The following LONP2 variants were observed in gnomAD, a reference collection of about 807,000 sequenced individuals.
LONP2 encodes lon protease homolog 2, peroxisomal.
Under a neutral mutation model 85.6 loss-of-function variants are expected in LONP2, and 60 were observed. The observed-to-expected ratio is 0.70, with a 90% CI of 0.57 to 0.87. LONP2 has a LOEUF of 0.87. Ranked by LOEUF, LONP2 falls within the 40% of genes least tolerant of loss-of-function variation. The probability of loss-of-function intolerance (pLI) is 0.00; values close to 1 mark genes in which losing one functional copy is unlikely to be tolerated. For missense variants in LONP2, 860 were observed against 1,063.5 expected (o/e 0.81, Z 2.66); for synonymous variants, 395 against 389.7 (o/e 1.01, Z -0.16).
rs1213200677 is a variant in LONP2, at chr16:48,352,816, CCCAGAG to C, written c.*1015_*1020del. ...CCTGCAACCTCAGAAGAGTGCAGCT[CCCAGAG>C]GGAGGCAGCCATCCATCTGGGATGG... is the stretch of plus-strand genomic sequence containing the variant. On this transcript the variant is annotated 3_prime_UTR_variant, in exon 15 of 15. Transcript: ENST00000285737. 1.3e-5 allele frequency: 2 copies of C among 152,184 alleles called. No individual in the cohort carries two copies. The highest frequency in any genetic ancestry group is 4.8e-5 in the African/African-American group (2 of 41,436). 9.4% of individuals were successfully genotyped at this position (152,184 alleles called of 1,614,324 possible). A position where few individuals can be genotyped will look rare whatever the true frequency, so the allele number is the denominator to read the frequency against.
chr16:48,314,808 T>A (rs550544948), intron 11 of LONP2, among the ~76,000 whole-genome samples: 1 of 152,368 alleles, frequency 6.6e-6, no homozygotes, highest in African/African-American at 2.4e-5. Flanking sequence ...TGTTTTCTAA[T>A]TTTTTGTTGG....
At chr16:48,334,546 C>T in intron 12 of LONP2, 188 bp downstream of exon 12, 4 of 714,008 alleles carry the variant, frequency 5.6e-6, no homozygotes, top group Non-Finnish European at 5.0e-6. Context: ...CATGGGGGCG[C>T]AGGCGAGCAC....
chr16:48,270,374 A>G (rs934174860), intron 7 of LONP2, 100 bp downstream of exon 7: 9 of 1,287,754 alleles, frequency 7.0e-6, no homozygotes, highest in Non-Finnish European at 8.7e-6. Context: ...TTTTCCTTAA[A>G]GGGCTATGTG....
intron 11 of LONP2, among the ~76,000 whole-genome samples, chr16:48,330,478 A>T (rs895815217): frequency 6.6e-6 from 1 of 152,246 alleles, no homozygotes; most frequent in Non-Finnish European, 1.5e-5. Context: ...GACAGAGAAC[A>T]TGGTACTAGG....
At chr16:48,336,983 A>G (rs1366500760) in intron 12 of LONP2, among the ~76,000 whole-genome samples, 1 of 152,214 alleles carries the variant, frequency 6.6e-6, no homozygotes, top group Admixed American at 6.5e-5. Context: ...TTAACCACAC[A>G]GTCTACCTCT....
chr16:48,272,127 T>C (rs1972118092), intron 7 of LONP2, among the ~76,000 whole-genome samples: 1 of 152,234 alleles, frequency 6.6e-6, no homozygotes, highest in Non-Finnish European at 1.5e-5. Context: ...AAAGCACTTA[T>C]TCAATACCTG....
chr16:48,311,409 G>A lies in LONP2; in HGVS notation c.1795+8104G>A, dbSNP rs1467414280. ...ATTAATTGAAAAAACCTATCTTAAA[G>A]TTCTGAGGTTCTTTCTTCTGCTTGG... On this transcript the variant is annotated intron_variant, in intron 11 of 14. Transcript: ENST00000285737. Among the ~76,000 whole-genome samples, 6 of 148,332 alleles carry A rather than the reference G, an allele frequency of 4.0e-5. No homozygotes were observed. In the Admixed American group the frequency reaches 4.1e-4, roughly 10 times the overall value.
chr16:48,299,338 A>G (rs566532848), intron 9 of LONP2, among the ~76,000 whole-genome samples: 4 of 151,906 alleles, frequency 2.6e-5, no homozygotes, highest in African/African-American at 9.7e-5. Context: ...TAATCTCAGC[A>G]CTTTGGGAGG....
At position 48,270,162 on chromosome 16, in the gene LONP2, C is replaced by G. The variant is rs373922673; in HGVS notation, c.1129C>G (p.Pro377Ala). ...KGPILCFVGPPGVGKTSVGRS... is the reference protein window; with the variant it reads ...KGPILCFVGPAGVGKTSVGRS... ...CCCAATCCTATGCTTTGTTGGCCCT[C>G]CTGGAGTTGGTAAAACAAGTGTGGG... The change falls in exon 7 of 15, where the codon CCT becomes GCT. Residue 377 changes from proline (P) to alanine (A), a missense_variant. Physicochemically the swap from Pro to Ala is conservative, Grantham distance 27. Coordinates refer to ENST00000285737, the MANE Select transcript of LONP2 (RefSeq NM_031490.5). 6.2e-7 allele frequency: 1 copy of G among 1,613,892 alleles called. No individual in the cohort carries two copies. Among genetic ancestry groups the G allele is most frequent in the Non-Finnish European group, 8.5e-7 (1 of 1,179,994 alleles).
chr16:48,329,545 T>C (rs1456192633), intron 11 of LONP2, among the ~76,000 whole-genome samples: 3 of 152,242 alleles, frequency 2.0e-5, no homozygotes, highest in Non-Finnish European at 4.4e-5. Context: ...TCTCTTACTT[T>C]GCTTAATTTA....
At chr16:48,285,369 A>G (rs1387359599) in intron 8 of LONP2, among the ~76,000 whole-genome samples, 1 of 151,818 alleles carries the variant, frequency 6.6e-6, no homozygotes, top group Non-Finnish European at 1.5e-5. Context: ...TGTGTAGGTA[A>G]ATGTTTTTCA....
intron 1 of LONP2, among the ~76,000 whole-genome samples, chr16:48,249,706 T>C (rs928475553): frequency 5.3e-5 from 8 of 151,820 alleles, no homozygotes; most frequent in Non-Finnish European, 4.4e-5. Flanking sequence ...TGAGATCCCA[T>C]CTCTGTTAAA....
chr16:48,312,543 A>G (rs1416642149), intron 11 of LONP2, among the ~76,000 whole-genome samples: 1 of 152,126 alleles, frequency 6.6e-6, no homozygotes, highest in African/African-American at 2.4e-5. Context: ...TCAGTGACAT[A>G]GACACTGTAT....
rs1426713658 is a variant in LONP2 at position 48,262,790 on chromosome 16, G to A, written c.900G>A (p.Met300Ile). 3 of 1,608,050 alleles carry A rather than the reference G, an allele frequency of 1.9e-6. No homozygotes were observed. In the Admixed American group the frequency reaches 5.0e-5, roughly 27 times the overall value. ...TCTTTCTCCACAGACTCAAAAAAAT[G>A]CCTCAGTCAATGCCAGAATATGCTC... Reference protein sequence around the residue: ...CVKEIKRLKKMPQSMPEYALT... With the variant: ...CVKEIKRLKKIPQSMPEYALT... The change falls in exon 6 of 15, where the codon ATG becomes ATA. Residue 300 changes from methionine (M) to isoleucine (I), a missense_variant. Met to Ile is a conservative substitution (Grantham distance 10, BLOSUM62 1). Coordinates refer to ENST00000285737, the MANE Select transcript of LONP2 (RefSeq NM_031490.5).
rs34863177 is a variant in LONP2, at chr16:48,261,474, AGAAGAT to A, written c.793_798del (p.Glu265_Asp266del). On this transcript the variant is annotated inframe_deletion, in exon 5 of 15. Coordinates refer to ENST00000285737, the MANE Select transcript of LONP2 (RefSeq NM_031490.5). ...GAATTACACATATCTCAGGTACTTT[AGAAGAT>A]GAAGATGAAGATGAAGATAATGATG... 175 of 1,609,466 alleles carry A rather than the reference AGAAGAT, an allele frequency of 1.1e-4. 1 individual carries two copies. Among genetic ancestry groups the A allele is most frequent in the East Asian group, 2.7e-4 (12 of 44,684 alleles).
At position 48,355,537 on chromosome 16, in the gene LONP2, AAATGACTAAGAC is replaced by A. The variant is rs1960309632; in HGVS notation, c.*3738_*3749del. ...TCAGGTATTCTGTTACGGTTAACACAAATGACTAAGACAACAGGATAATTCTGTTTAACTTTT... is the reference window on the plus strand; with the variant it reads ...TCAGGTATTCTGTTACGGTTAACACAAACAGGATAATTCTGTTTAACTTTT... On this transcript the variant is annotated 3_prime_UTR_variant, in exon 15 of 15. Coordinates refer to ENST00000285737, the MANE Select transcript of LONP2 (RefSeq NM_031490.5). The A allele has an allele frequency of 6.6e-6, 1 of 152,202 alleles. No individual in the cohort carries two copies. Among genetic ancestry groups the A allele is most frequent in the Non-Finnish European group, 1.5e-5 (1 of 68,044 alleles). The allele number at this position is 152,202 out of a possible 1,614,324, so 9.4% of individuals were successfully genotyped here.
At chr16:48,304,506 C>A (rs190882456) in intron 11 of LONP2, among the ~76,000 whole-genome samples, 1 of 152,138 alleles carries the variant, frequency 6.6e-6, no homozygotes, top group Non-Finnish European at 1.5e-5. Flanking sequence ...GAGTTTGAGA[C>A]CAGCCTAGCC....
At chr16:48,340,667 G>T (rs1348732545) in intron 12 of LONP2, among the ~76,000 whole-genome samples, 2 of 152,136 alleles carry the variant, frequency 1.3e-5, no homozygotes, top group Non-Finnish European at 2.9e-5. Flanking sequence ...TTCCTATAAA[G>T]AAATACCTGA....
At chr16:48,329,818 C>T (rs1472727579) in intron 11 of LONP2, among the ~76,000 whole-genome samples, 3 of 152,200 alleles carry the variant, frequency 2.0e-5, no homozygotes, top group East Asian at 3.8e-4. Flanking sequence ...TAGTATTTTA[C>T]CAGTTAGATA....
Sources: gnomAD v4.1 joint callset for allele counts (sites outside exome capture counted in the v4.1 genomes callset) on GRCh38, gnomAD v4.1.1 for gene constraint, MANE v1.5 for transcripts, NCBI Gene and HGNC (gene_info 2026-07-23, HGNC 2026-07-21) for gene names.